Variants in NFX1 observed in about 807,000 individuals in gnomAD.
The protein encoded by NFX1 is transcriptional repressor NF-X1.
Under a neutral mutation model 137.2 loss-of-function variants are expected in NFX1, and 69 were observed. The ratio of observed to expected loss-of-function variants is 0.50; its 90% CI spans 0.41 to 0.61. The LOEUF is 0.61. NFX1 is among the 20% of genes least tolerant of loss of function. NFX1 has a pLI of 0.00. For synonymous variants in NFX1, 495 were observed against 474.1 expected, an observed-to-expected ratio of 1.04 and a Z score of -0.57; for missense variants, 1,167 against 1,391.0, an observed-to-expected ratio of 0.84 and a Z score of 2.56.
chr9:33,290,678 C>T (rs1821123369), intron 1 of NFX1, 81 bp downstream of exon 1: 2 of 1,415,762 alleles, frequency 1.4e-6, no homozygotes, highest in Non-Finnish European at 1.9e-6. Flanking sequence ...GGGCCTCAGC[C>T]ACTCATATCG....
At chr9:33,314,677 AAATAAT>A (rs1280004756) in intron 7 of NFX1, among the ~76,000 whole-genome samples, 3 of 152,044 alleles carry the variant, frequency 2.0e-5, no homozygotes, top group African/African-American at 7.3e-5. Flanking sequence ...GCTCAGTCTA[AAATAAT>A]AATAATAAAA....
chr9:33,321,211 G>C (rs958192441), intron 9 of NFX1, among the ~76,000 whole-genome samples: 3 of 152,160 alleles, frequency 2.0e-5, no homozygotes, highest in African/African-American at 7.2e-5. Flanking sequence ...ACTTGAGCAA[G>C]AGAAGGGTAG....
intron 9 of NFX1, among the ~76,000 whole-genome samples, chr9:33,319,907 C>T (rs114847998): frequency 0.01 from 1,588 of 151,984 alleles, 30 homozygotes; most frequent in African/African-American, 0.036. Flanking sequence ...GCTGAGGATA[C>T]GAGGATAGCA....
chr9:33,342,205 A>C (rs1823251361), intron 12 of NFX1, among the ~76,000 whole-genome samples: 1 of 151,628 alleles, frequency 6.6e-6, no homozygotes. Context: ...CATGCCTGTA[A>C]CCCCCCAGCA....
chr9:33,367,157 T>C (rs913652110), intron 22 of NFX1, among the ~76,000 whole-genome samples: 7 of 152,224 alleles, frequency 4.6e-5, no homozygotes, highest in African/African-American at 1.7e-4. Flanking sequence ...GAAAGAATGC[T>C]GGACTCTGGT....
intron 11 of NFX1, among the ~76,000 whole-genome samples, chr9:33,337,110 C>T (rs927072486): frequency 3.3e-5 from 5 of 152,122 alleles, no homozygotes; most frequent in Non-Finnish European, 7.3e-5. Flanking sequence ...TTCCTGGGCT[C>T]GAGCAATCCT....
intron 15 of NFX1, chr9:33,348,850 C>A: frequency 1.1e-6 from 1 of 873,948 alleles, no homozygotes; most frequent in Non-Finnish European, 1.4e-6. Context: ...TAAGATGATA[C>A]TGTTTGCTAC....
intron 11 of NFX1, among the ~76,000 whole-genome samples, chr9:33,336,815 T>C (rs543768177): frequency 2.6e-4 from 39 of 152,188 alleles, no homozygotes; most frequent in African/African-American, 9.4e-4. Context: ...TAAAAGTTTT[T>C]CCAGGGCTGG....
chr9:33,316,475 A>C (rs1282467260), intron 7 of NFX1, among the ~76,000 whole-genome samples: 1 of 152,102 alleles, frequency 6.6e-6, no homozygotes, highest in African/African-American at 2.4e-5. Context: ...AAATCACCCA[A>C]GTCTTTTTTG....
chr9:33,323,163 C>T (rs1041769688), intron 9 of NFX1, among the ~76,000 whole-genome samples: 1 of 152,124 alleles, frequency 6.6e-6, no homozygotes, highest in African/African-American at 2.4e-5. Flanking sequence ...CAGTTTGTAC[C>T]CCTAAGGTTG....
chr9:33,311,209 TCA>T (rs1179971134), intron 6 of NFX1, 32 bp downstream of exon 6: 3 of 1,582,980 alleles, frequency 1.9e-6, no homozygotes, highest in Non-Finnish European at 2.6e-6. Flanking sequence ...AAAGAAGACC[TCA>T]GTTTTCACAT....
At chr9:33,321,877 TC>T (rs994939414) in intron 9 of NFX1, among the ~76,000 whole-genome samples, 2 of 135,644 alleles carry the variant, frequency 1.5e-5, no homozygotes, top group African/African-American at 5.5e-5. Context: ...AGACCCTGTC[TC>T]AAAAAAAAAA....
chr9:33,351,615 G>A lies in NFX1; in HGVS notation c.2480G>A (p.Ser827Asn). ...LVDISCGLPC[S>N]ATLPCGMHKC... ...GATATCTCTTGCGGATTACCCTGCA[G>A]TGCCACGCTACCATGTGGGATGCAC... is the stretch of plus-strand genomic sequence containing the variant. The change falls in exon 16 of 24, where the codon AGT becomes AAT. Residue 827 changes from serine (S) to asparagine (N), a missense_variant. Ser to Asn is a conservative substitution (Grantham distance 46). Transcript: ENST00000379540. The A allele has an allele frequency of 1.2e-6, 2 of 1,614,204 alleles. No individual in the cohort carries two copies. Among genetic ancestry groups the A allele is most frequent in the Middle Eastern group, 1.6e-4 (1 of 6,062 alleles).
intron 23 of NFX1, among the ~76,000 whole-genome samples, chr9:33,368,258 C>T (rs1212481071): frequency 6.6e-6 from 1 of 151,928 alleles, no homozygotes; most frequent in Non-Finnish European, 1.5e-5. Context: ...AATAGTTACT[C>T]TGAAGATGCA....
Position 33,370,723 on chromosome 9 carries a change from T to C in NFX1, c.*745T>C, listed in dbSNP as rs997774939. The C allele has an allele frequency of 1.3e-5, 2 of 152,220 alleles. No homozygotes were observed. The highest frequency in any genetic ancestry group is 6.5e-5 in the Admixed American group (1 of 15,280). The allele number at this position is 152,220 out of a possible 1,614,324, so 9.4% of individuals were successfully genotyped here. A position where few individuals can be genotyped will look rare whatever the true frequency, so the allele number is the denominator to read the frequency against. On this transcript the variant is annotated 3_prime_UTR_variant, in exon 24 of 24. Coordinates refer to ENST00000379540, the MANE Select transcript of NFX1 (RefSeq NM_002504.6). ...CCGTCCCCCATGATGGTAGGAAATA[T>C]AGAGAGCAAGTTCTTCTGCCAGGGT...
chr9:33,348,576 G>A (rs537873797), intron 15 of NFX1: 20 of 165,626 alleles, frequency 1.2e-4, no homozygotes, highest in South Asian at 5.9e-4. Context: ...GATGTTGCGA[G>A]AATTACCAAA....
chr9:33,296,733 A>G (rs749549933), intron 2 of NFX1, among the ~76,000 whole-genome samples: 40 of 152,182 alleles, frequency 2.6e-4, no homozygotes, highest in African/African-American at 8.9e-4. Flanking sequence ...TGCGGGGGGA[A>G]AAAAGTTACT....
At chr9:33,339,556 T>C (rs2118555738) in intron 12 of NFX1, among the ~76,000 whole-genome samples, 1 of 152,320 alleles carries the variant, frequency 6.6e-6, no homozygotes, top group East Asian at 1.9e-4. Context: ...CCAAATTTCA[T>C]GTCCTCACAT....
intron 3 of NFX1, 107 bp from the exon 4 acceptor site, chr9:33,303,081 AATT>A (rs1821631678): frequency 1.3e-6 from 1 of 799,948 alleles, no homozygotes. Context: ...TTAACATTGA[AATT>A]ATTACCACTA....
Sources: gnomAD v4.1 joint callset for allele counts (sites outside exome capture counted in the v4.1 genomes callset) on GRCh38, gnomAD v4.1.1 for gene constraint, MANE v1.5 for transcripts, NCBI Gene and HGNC (gene_info 2026-07-23, HGNC 2026-07-21) for gene names.